The following CNKSR3 variants were observed in gnomAD, a reference collection of about 807,000 sequenced individuals.
CNKSR3 encodes CNKSR family member 3.
CNKSR3 carries 36 observed loss-of-function variants against 67.7 expected under a neutral mutation model. The observed-to-expected ratio is 0.53, with a 90% CI of 0.41 to 0.70. CNKSR3 has a LOEUF of 0.70. CNKSR3 is among the 30% of genes least tolerant of loss of function. The pLI, the probability that CNKSR3 is intolerant of heterozygous loss-of-function variation, is 0.00. For missense variants in CNKSR3, 630 were observed against 695.2 expected (o/e 0.91, Z 1.05); for synonymous variants, 281 against 271.4 (o/e 1.04, Z -0.35).
intron 4 of CNKSR3, among the ~76,000 whole-genome samples, chr6:154,440,626 T>A (rs1009725755): frequency 6.6e-6 from 1 of 152,212 alleles, no homozygotes; most frequent in Non-Finnish European, 1.5e-5. Context: ...GAAATTGACA[T>A]GTGTCACTTG....
intron 1 of CNKSR3, among the ~76,000 whole-genome samples, chr6:154,459,256 C>A (rs1786028927): frequency 6.6e-6 from 1 of 151,910 alleles, no homozygotes; most frequent in Non-Finnish European, 1.5e-5. Flanking sequence ...GAGCTGTGAG[C>A]TGGAACTGCT....
rs931742924 is a variant in CNKSR3, at chr6:154,510,568, C to A, written c.-454G>T. The A allele has an allele frequency of 1.6e-5, 3 of 186,356 alleles. No homozygotes were observed. The South Asian group carries it at 3.2e-4, about 20-fold the overall frequency. The allele number at this position is 186,356 out of a possible 1,614,324, so 11.5% of individuals were successfully genotyped here. On this transcript the variant is annotated 5_prime_UTR_variant, in exon 1 of 13. Coordinates refer to ENST00000607772, the MANE Select transcript of CNKSR3 (RefSeq NM_173515.4). ...CTCCGCGTGCGCTGGCGTCCCGGAG[C>A]CTTCCCGGCGCAGGTCCCACCTCCT...
chr6:154,428,134 T>C lies in CNKSR3; in HGVS notation c.723A>G (p.Thr241=), dbSNP rs760614924. 3 of 1,602,270 alleles carry C rather than the reference T, an allele frequency of 1.9e-6. No homozygotes were observed. The South Asian group carries it at 3.3e-5, about 18-fold the overall frequency. Residue 241 remains threonine, a synonymous_variant, in exon 7 of 13, where the codon ACA becomes ACG. Coordinates refer to ENST00000607772, the MANE Select transcript of CNKSR3 (RefSeq NM_173515.4). ...YDGLHVITGT[T]ENSPADRSQK... is the part of the protein sequence containing the mutation. The stretch of plus-strand genomic sequence containing the variant: ...TTAATGAATATACACTTACATTTTC[T>C]GTGGTTCCAGTAATCACGTGTAACC...
chr6:154,398,062 C>T lies in CNKSR3; in HGVS notation c.*8292G>A, dbSNP rs1784679593. The T allele has an allele frequency of 1.3e-5, 2 of 152,232 alleles. No homozygotes were observed. Among genetic ancestry groups the T allele is most frequent in the Admixed American group, 1.3e-4 (2 of 15,284 alleles). The allele number at this position is 152,232 out of a possible 1,614,324, so 9.4% of individuals were successfully genotyped here. On this transcript the variant is annotated 3_prime_UTR_variant, in exon 13 of 13. Transcript: ENST00000607772. The stretch of plus-strand genomic sequence containing the variant: ...TGCAGGTAAAATATGGCCACATATC[C>T]ACACCTTCACAGGGCTCTGCCTGAC...
In CNKSR3 at chr6:154,422,595, C is replaced by T. The variant is rs775309729; in HGVS notation, c.856G>A (p.Val286Met). 2 of 1,613,918 alleles carry T rather than the reference C, an allele frequency of 1.2e-6. No homozygotes were observed. Among genetic ancestry groups the T allele is most frequent in the Non-Finnish European group, 1.7e-6 (2 of 1,179,990 alleles). The change falls in exon 9 of 13, where the codon GTG (valine) becomes ATG (methionine). Residue 286 changes from valine (V) to methionine (M), a missense_variant. Around this residue, in one of 3 missense-constraint regions of CNKSR3, gnomAD observed 133 missense variants for 190.6 expected, o/e 0.70. Transcript: ENST00000607772. Reference protein sequence around the residue: ...KKLRENPTGVVLLLKKRPTGS... With the variant: ...KKLRENPTGVMLLLKKRPTGS... ...GTGGGGCGCTTCTTAAGCAGTAACA[C>T]AACTCCGGTGGGATTCTCTCTCAAT...
rs1784683257 is a variant in CNKSR3, at chr6:154,398,396, G to A, written c.*7958C>T. On this transcript the variant is annotated 3_prime_UTR_variant, in exon 13 of 13. Transcript: ENST00000607772. ...GAACAACCATTTTTTACTTCCCTTT[G>A]TCTCTCCCATAGCTTCTCTTTCCTT... The A allele has an allele frequency of 6.6e-6, 1 of 152,138 alleles. No individual in the cohort carries two copies. The highest frequency in any genetic ancestry group is 1.5e-5 in the Non-Finnish European group (1 of 68,040). The allele number at this position is 152,138 out of a possible 1,614,324, so 9.4% of individuals were successfully genotyped here. A position where few individuals can be genotyped will look rare whatever the true frequency, so the allele number is the denominator to read the frequency against.
chr6:154,476,457 CAAAAAAAAAAA>C (rs11332561), intron 1 of CNKSR3, among the ~76,000 whole-genome samples: 1 of 110,818 alleles, frequency 9.0e-6, no homozygotes, highest in Non-Finnish European at 2.0e-5. Context: ...AACTATGTCT[CAAAAAAAAAAA>C]AAAAAAAAGA....
chr6:154,444,290 T>G (rs955933790), intron 2 of CNKSR3, among the ~76,000 whole-genome samples: 6 of 152,162 alleles, frequency 3.9e-5, no homozygotes, highest in Non-Finnish European at 5.9e-5. Flanking sequence ...GTAGAAATGT[T>G]TTTATCTCTA....
At chr6:154,482,499 C>T (rs961072344) in intron 1 of CNKSR3, among the ~76,000 whole-genome samples, 16 of 151,952 alleles carry the variant, frequency 1.1e-4, no homozygotes, top group Non-Finnish European at 1.3e-4. Flanking sequence ...TTGCATAAGC[C>T]CTACTTCTAA....
intron 10 of CNKSR3, among the ~76,000 whole-genome samples, chr6:154,413,804 A>G (rs1373532333): frequency 6.6e-6 from 1 of 152,012 alleles, no homozygotes; most frequent in Non-Finnish European, 1.5e-5. Flanking sequence ...CTGGATTGCA[A>G]TGGCACAAAC....
At chr6:154,417,883 T>A (rs1449665900) in intron 9 of CNKSR3, among the ~76,000 whole-genome samples, 1 of 152,234 alleles carries the variant, frequency 6.6e-6, no homozygotes, top group East Asian at 1.9e-4. Flanking sequence ...GAGGTATTAA[T>A]GTAAAAGCAG....
intron 1 of CNKSR3, among the ~76,000 whole-genome samples, chr6:154,492,416 T>A (rs1159636389): frequency 6.6e-6 from 1 of 152,072 alleles, no homozygotes; most frequent in African/African-American, 2.4e-5. Flanking sequence ...TTCTGATTAA[T>A]CCCAACACAT....
rs769747682 is a variant in CNKSR3, at chr6:154,411,033, T to C, written c.1180A>G (p.Arg394Gly). ...PNSFLDQESR[R>G]RRFTIADSDQ... ...GAGTCTGCAATGGTGAATCTTCGTC[T>C]CCGGCTTTCCTGGTCCAAGAAGGAA... The change falls in exon 11 of 13, where the codon AGA (arginine) becomes GGA (glycine). Residue 394 changes from arginine (R) to glycine (G), a missense_variant. Physicochemically the swap from Arg to Gly is moderately radical, Grantham distance 125. This residue lies in a region of CNKSR3 where 308 missense variants were observed against 299.6 expected (regional missense o/e 1.03). Transcript: ENST00000607772. 26 of 1,614,046 alleles carry C rather than the reference T, an allele frequency of 1.6e-5. No individual in the cohort carries two copies. In the South Asian group the frequency reaches 2.7e-4, roughly 17 times the overall value.
chr6:154,413,139 TACACACACACACAC>T (rs60788837), intron 10 of CNKSR3, among the ~76,000 whole-genome samples: 4,808 of 145,110 alleles, frequency 0.033, 92 homozygotes, highest in Middle Eastern at 0.091. Flanking sequence ...GAATTTATGG[TACACACACACACAC>T]ACACACACAC....
rs1255729782 is a variant in CNKSR3 at position 154,405,883 on chromosome 6, T to C, written c.*471A>G. ...AGTCAAAGCTGCTACACTTAAAATA[T>C]GGTAGATAGTTTAGAAAAATCAAAT... On this transcript the variant is annotated 3_prime_UTR_variant, in exon 13 of 13. Coordinates refer to ENST00000607772, the MANE Select transcript of CNKSR3 (RefSeq NM_173515.4). 1.5e-5 allele frequency: 2 copies of C among 130,622 alleles called. No homozygotes were observed. Among genetic ancestry groups the C allele is most frequent in the Non-Finnish European group, 3.5e-5 (2 of 56,504 alleles). The allele number at this position is 130,622 out of a possible 1,614,324, so 8.1% of individuals were successfully genotyped here. A position where few individuals can be genotyped will look rare whatever the true frequency, so the allele number is the denominator to read the frequency against.
Position 154,510,056 on chromosome 6 carries a change from C to A in CNKSR3, c.52+7G>T, listed in dbSNP as rs776264183. The A allele has an allele frequency of 1.9e-6, 3 of 1,613,922 alleles. No homozygotes were observed. Among genetic ancestry groups the A allele is most frequent in the African/African-American group, 2.7e-5 (2 of 74,926 alleles). On this transcript the variant is annotated splice_region_variant and intron_variant, in intron 1 of 12. Transcript: ENST00000607772. ...GAGGACTCCGGACCCCCCCAAGGCC[C>A]GCGCACCTCTAGTCCAGTCCACCAC...
At chr6:154,413,171 C>CACACAT (rs1554231145) in intron 10 of CNKSR3, among the ~76,000 whole-genome samples, 1 of 149,988 alleles carries the variant, frequency 6.7e-6, no homozygotes, top group Non-Finnish European at 1.5e-5. Context: ...CACACACACA[C>CACACAT]ACACAAATAT....
rs955094965 is a variant in CNKSR3, at chr6:154,441,296, T to C, written c.503A>G (p.Gln168Arg). The change falls in exon 4 of 13, where the codon CAG (glutamine) becomes CGG (arginine). Residue 168 changes from glutamine to arginine, a missense_variant. Transcript: ENST00000607772. ...TGAAAATGACATACTACTGACCTTC[T>C]GGACTGTAGTGGTCAGGTCCAAGCA... The part of the protein sequence containing the change: ...QLCLDLTTTV[Q>R]KDCFVAEMED... The C allele has an allele frequency of 6.4e-7, 1 of 1,565,618 alleles. No individual in the cohort carries two copies. Among genetic ancestry groups the C allele is most frequent in the African/African-American group, 1.4e-5 (1 of 73,142 alleles).
Position 154,388,902 on chromosome 6 carries a change from C to A in CNKSR3, c.*17452G>T, listed in dbSNP as rs1323626332. The A allele has an allele frequency of 4.6e-5, 7 of 151,918 alleles. No individual in the cohort carries two copies. The highest frequency in any genetic ancestry group is 8.8e-5 in the Non-Finnish European group (6 of 68,014). 9.4% of individuals were successfully genotyped at this position (151,918 alleles called of 1,614,324 possible). A position where few individuals can be genotyped will look rare whatever the true frequency, so the allele number is the denominator to read the frequency against. On this transcript the variant is annotated 3_prime_UTR_variant, in exon 13 of 13. Transcript: ENST00000607772. ...TTCATTGCTGTTCAAGATGCCAGAG[C>A]CCATGCTATTCAGATCCTTGGCCCA...
Sources: allele counts gnomAD v4.1 joint callset (sites outside exome capture counted in the v4.1 genomes callset), GRCh38; gene constraint gnomAD v4.1.1; regional missense constraint gnomAD v4.1.1; transcripts MANE v1.5; gene names NCBI Gene and HGNC (gene_info 2026-07-23, HGNC 2026-07-21).